Variants in LSAMP observed in about 807,000 individuals in gnomAD.
LSAMP encodes the protein limbic system associated membrane protein, also known as limbic system-associated membrane protein.
LSAMP carries 7 observed loss-of-function variants against 38.6 expected under a neutral mutation model. That is an observed-to-expected ratio of 0.18 (90% CI 0.10 to 0.34). The LOEUF (loss-of-function observed/expected upper bound fraction) is 0.34. Among genes scored for constraint, LSAMP ranks in the 10% least tolerant of loss-of-function variants. The pLI, the probability that LSAMP is intolerant of heterozygous loss-of-function variation, is 1.00. For synonymous variants in LSAMP, 154 were observed against 166.8 expected (o/e 0.92, Z 0.59); for missense variants, 313 against 420.0 (o/e 0.75, Z 2.23).
chr3:115,976,173 A>AAATTTTCAGTGTCAAAATTTTCAG (rs1939183268), intron 3 of LSAMP, among the ~76,000 whole-genome samples: 2 of 152,328 alleles, frequency 1.3e-5, no homozygotes, highest in Admixed American at 6.5e-5. Context: ...AATTTGGATC[A>AAATTTTCAGTGTCAAAATTTTCAG]TGTCAAAAAT....
At chr3:116,257,201 C>T (rs1027411583) in intron 1 of LSAMP, among the ~76,000 whole-genome samples, 1 of 152,118 alleles carries the variant, frequency 6.6e-6, no homozygotes, top group Non-Finnish European at 1.5e-5. Context: ...GTTATAGTTA[C>T]AGGGAAATTT....
At chr3:116,427,861 T>C (rs2049224548) in intron 1 of LSAMP, among the ~76,000 whole-genome samples, 1 of 152,144 alleles carries the variant, frequency 6.6e-6, no homozygotes, top group Admixed American at 6.5e-5. Context: ...AACTATACCC[T>C]AATAGGAAAA....
At chr3:116,274,131 CT>C (rs1392298062) in intron 1 of LSAMP, among the ~76,000 whole-genome samples, 4 of 152,106 alleles carry the variant, frequency 2.6e-5, no homozygotes, top group Admixed American at 2.0e-4. Flanking sequence ...ACATTTCCCC[CT>C]ACCCCACCTT....
intron 2 of LSAMP, among the ~76,000 whole-genome samples, chr3:116,073,000 G>T (rs1048559887): frequency 6.6e-6 from 1 of 152,032 alleles, no homozygotes; most frequent in Non-Finnish European, 1.5e-5. Flanking sequence ...TCCTGAAATG[G>T]TATTGCCTTG....
chr3:115,823,556 T>G (rs942141300), intron 6 of LSAMP, among the ~76,000 whole-genome samples: 8 of 152,370 alleles, frequency 5.3e-5, no homozygotes, highest in African/African-American at 1.9e-4. Flanking sequence ...TAGTTTCATA[T>G]TTTTCAAATT....
chr3:115,841,771 G>C (rs752802168), intron 6 of LSAMP, 74 bp downstream of exon 6: 2 of 1,508,960 alleles, frequency 1.3e-6, no homozygotes, highest in East Asian at 2.3e-5. Context: ...ATAGCTAAGG[G>C]AATGGTTTTC....
chr3:116,024,494 G>A (rs781059491), intron 2 of LSAMP, among the ~76,000 whole-genome samples: 2 of 152,160 alleles, frequency 1.3e-5, no homozygotes, highest in African/African-American at 4.8e-5. Context: ...AGGCAGAGGA[G>A]TGTCTGTATA....
At chr3:116,126,614 C>A (rs560657453) in intron 1 of LSAMP, among the ~76,000 whole-genome samples, 46 of 152,240 alleles carry the variant, frequency 3.0e-4, no homozygotes, top group African/African-American at 1.1e-3. Flanking sequence ...GTAATCCCAG[C>A]ACTTTGGGAG....
intron 3 of LSAMP, among the ~76,000 whole-genome samples, chr3:115,932,047 A>G (rs1937588344): frequency 6.6e-6 from 1 of 152,238 alleles, no homozygotes; most frequent in South Asian, 2.1e-4. Context: ...ACATTAATGT[A>G]AATTATATAT....
chr3:116,215,410 T>C (rs1576438374), intron 1 of LSAMP, among the ~76,000 whole-genome samples: 1 of 152,112 alleles, frequency 6.6e-6, no homozygotes, highest in South Asian at 2.1e-4. Flanking sequence ...TTTTAAAGTA[T>C]TGAGCACTCA....
At chr3:116,343,334 T>C (rs2048021787) in intron 1 of LSAMP, among the ~76,000 whole-genome samples, 1 of 152,042 alleles carries the variant, frequency 6.6e-6, no homozygotes, top group South Asian at 2.1e-4. Flanking sequence ...AAGTAGGCAA[T>C]GCAAACAGAG....
intron 3 of LSAMP, among the ~76,000 whole-genome samples, chr3:115,987,407 C>T (rs1214238109): frequency 2.0e-5 from 3 of 152,132 alleles, no homozygotes; most frequent in Non-Finnish European, 4.4e-5. Flanking sequence ...AAGAATGATA[C>T]ATACAGGACT....
intron 3 of LSAMP, among the ~76,000 whole-genome samples, chr3:115,882,500 T>C (rs1936347537): frequency 6.6e-6 from 1 of 152,122 alleles, no homozygotes; most frequent in African/African-American, 2.4e-5. Context: ...TCTGAATCCA[T>C]ACATTTTTGA....
chr3:116,052,951 T>C (rs1941422943), intron 2 of LSAMP, among the ~76,000 whole-genome samples: 1 of 152,106 alleles, frequency 6.6e-6, no homozygotes, highest in Non-Finnish European at 1.5e-5. Context: ...CCACTGGAAA[T>C]AAAATCTGGG....
chr3:116,232,148 C>G (rs1489111580), intron 1 of LSAMP, among the ~76,000 whole-genome samples: 1 of 152,138 alleles, frequency 6.6e-6, no homozygotes, highest in Non-Finnish European at 1.5e-5. Flanking sequence ...AAATCAATAG[C>G]TCTCTGCATG....
chr3:116,019,766 A>C lies in LSAMP; in HGVS notation c.389-126T>G, dbSNP rs1396680448. The C allele has an allele frequency of 8.4e-6, 9 of 1,066,172 alleles. 1 individual carries two copies. Among genetic ancestry groups the C allele is most frequent in the Middle Eastern group, 3.2e-4 (1 of 3,158 alleles). The allele number at this position is 1,066,172 out of a possible 1,614,324, so 66.0% of individuals were successfully genotyped here. ...TTGAATTTCTGTGTTAAGAAGTAGG[A>C]TGCTTTTAAGACCCATGCTTGCCAT... On this transcript the variant is annotated intron_variant, in intron 2 of 6. Coordinates refer to ENST00000490035, the MANE Select transcript of LSAMP (RefSeq NM_002338.5).
At chr3:116,010,310 G>A (rs1045721570) in intron 3 of LSAMP, among the ~76,000 whole-genome samples, 2 of 152,204 alleles carry the variant, frequency 1.3e-5, no homozygotes, top group Non-Finnish European at 2.9e-5. Context: ...TGAAGACTCT[G>A]TTCTTTAAGT....
intron 3 of LSAMP, among the ~76,000 whole-genome samples, chr3:115,909,627 A>C (rs1343147830): frequency 6.6e-6 from 1 of 152,212 alleles, no homozygotes; most frequent in African/African-American, 2.4e-5. Context: ...ATTTAAATCA[A>C]GAAATGCATC....
chr3:116,308,738 G>A (rs1245790195), intron 1 of LSAMP, among the ~76,000 whole-genome samples: 1 of 152,012 alleles, frequency 6.6e-6, no homozygotes, highest in Non-Finnish European at 1.5e-5. Context: ...TTCTATTGCT[G>A]ACATTACCAC....
Sources: allele counts gnomAD v4.1 joint callset (sites outside exome capture counted in the v4.1 genomes callset), GRCh38; gene constraint gnomAD v4.1.1; transcripts MANE v1.5; gene names NCBI Gene and HGNC (gene_info 2026-07-23, HGNC 2026-07-21).